The following PRDM16 variants were observed in gnomAD, a reference collection of about 807,000 sequenced individuals.
The protein encoded by PRDM16 is PR/SET domain 16, also known as histone-lysine N-methyltransferase PRDM16.
A neutral mutation model predicts 110.6 loss-of-function variants in PRDM16; 23 were observed. That is an observed-to-expected ratio of 0.21 (90% CI 0.15 to 0.29). The LOEUF (loss-of-function observed/expected upper bound fraction) is 0.29. PRDM16 is among the 10% of genes least tolerant of loss of function. The pLI, the probability that PRDM16 is intolerant of heterozygous loss-of-function variation, is 1.00. For missense variants in PRDM16, 1,615 were observed against 1,794.3 expected (o/e 0.90, Z 1.81); for synonymous variants, 799 against 781.8 (o/e 1.02, Z -0.37).
At chr1:3,302,597 G>A (rs1641230051) in intron 3 of PRDM16, among the ~76,000 whole-genome samples, 1 of 152,170 alleles carries the variant, frequency 6.6e-6, no homozygotes, top group Admixed American at 6.5e-5. Flanking sequence ...CATCCTCACT[G>A]TAACTCAGCC....
At chr1:3,336,367 T>G (rs1570096583) in intron 3 of PRDM16, among the ~76,000 whole-genome samples, 1 of 151,456 alleles carries the variant, frequency 6.6e-6, no homozygotes, top group Admixed American at 6.6e-5. Context: ...TGTGGAGGGG[T>G]GTGTGTGCAT....
intron 3 of PRDM16, among the ~76,000 whole-genome samples, chr1:3,329,501 C>A (rs995607594): frequency 6.6e-6 from 1 of 152,184 alleles, no homozygotes; most frequent in Admixed American, 6.5e-5. Flanking sequence ...GGGTTTGCAG[C>A]AACACTTAGT....
intron 3 of PRDM16, among the ~76,000 whole-genome samples, chr1:3,321,594 T>TG (rs962448785): frequency 5.4e-5 from 8 of 149,008 alleles, no homozygotes; most frequent in African/African-American, 1.7e-4. Flanking sequence ...GTCACGTTTC[T>TG]GGGGGGTTGC....
chr1:3,181,712 ACACGCAGTCTTACACACG>A lies in PRDM16; in HGVS notation c.38-4412_38-4395del, dbSNP rs1301556383. 5.7e-4 allele frequency among the ~76,000 whole-genome samples: 74 copies of A among 128,828 alleles called. 2 individuals carry two copies. The highest frequency in any genetic ancestry group is 1.5e-3 in the East Asian group (5 of 3,284). 84.5% of individuals were successfully genotyped at this position (128,828 alleles called of 152,430 possible). A position where few individuals can be genotyped will look rare whatever the true frequency, so the allele number is the denominator to read the frequency against. On this transcript the variant is annotated intron_variant, in intron 1 of 16. Transcript: ENST00000270722. ...CACACGGTCTTACACACGGTCTTAC[ACACGCAGTCTTACACACG>A]GTCTTACACACGGAGTCTTACACAC... is the stretch of plus-strand genomic sequence containing the variant.
chr1:3,289,691 G>A (rs1000178714), intron 3 of PRDM16, among the ~76,000 whole-genome samples: 2 of 152,212 alleles, frequency 1.3e-5, no homozygotes, highest in African/African-American at 2.4e-5. Flanking sequence ...GGAGGGAACG[G>A]CACAGGCAAA....
intron 3 of PRDM16, among the ~76,000 whole-genome samples, chr1:3,357,552 C>CCAGCTCCTCACAGAAGGCCGCCCG (rs1557630813): frequency 6.6e-6 from 1 of 151,694 alleles, no homozygotes; most frequent in Non-Finnish European, 1.5e-5. Flanking sequence ...ATCCAGGAAG[C>CCAGCTCCTCACAGAAGGCCGCCCG]GCCGTTCCCC....
rs1276344227 is a variant in PRDM16, at chr1:3,253,342, T to A, written c.438+9205T>A. ...ATTTAGCATTAGGTATATCTCCTAA[T>A]GCTATCCCTCCCCCCCTCCCCCCAC... On this transcript the variant is annotated intron_variant, in intron 3 of 16. Transcript: ENST00000270722. 3.8e-5 allele frequency among the ~76,000 whole-genome samples: 5 copies of A among 132,286 alleles called. No homozygotes were observed. In the East Asian group the frequency reaches 8.1e-4, roughly 22 times the overall value. The allele number at this position is 132,286 out of a possible 152,430, so 86.8% of individuals were successfully genotyped here.
chr1:3,196,379 C>G (rs1178515263), intron 2 of PRDM16, among the ~76,000 whole-genome samples: 1 of 152,270 alleles, frequency 6.6e-6, no homozygotes, highest in Non-Finnish European at 1.5e-5. Context: ...TGGGGGAATT[C>G]TGTGTCGTAA....
rs113007393 is a variant in PRDM16, at chr1:3,136,577, A to G, written c.38-49548A>G. On this transcript the variant is annotated intron_variant, in intron 1 of 16. Transcript: ENST00000270722. ...CCACAGGGGCTCTGGGCCAGCTCCAAGGACTCTAAGGGAGTGGAGCCGCCC... is the reference window on the plus strand; with the variant it reads ...CCACAGGGGCTCTGGGCCAGCTCCAGGGACTCTAAGGGAGTGGAGCCGCCC... Among the ~76,000 whole-genome samples, 140 of 152,282 alleles carry G rather than the reference A, an allele frequency of 9.2e-4. 1 individual carries two copies. The highest frequency in any genetic ancestry group is 3.1e-3 in the African/African-American group (130 of 41,562).
rs1553172445 is a variant in PRDM16, at chr1:3,390,835, T to TG, written c.573+5549_573+5550insG. Among the ~76,000 whole-genome samples the TG allele has an allele frequency of 5.0e-4, 16 of 32,048 alleles. No individual in the cohort carries two copies. Among genetic ancestry groups the TG allele is most frequent in the African/African-American group, 2.7e-4 (3 of 10,912 alleles). The allele number at this position is 32,048 out of a possible 152,430, so 21.0% of individuals were successfully genotyped here. A position where few individuals can be genotyped will look rare whatever the true frequency, so the allele number is the denominator to read the frequency against. On this transcript the variant is annotated intron_variant, in intron 4 of 16. Coordinates refer to ENST00000270722, the MANE Select transcript of PRDM16 (RefSeq NM_022114.4). This position sits in a 1 kb window ranked among gnomAD's most constrained non-coding sequence, Gnocchi z 5.0. The stretch of plus-strand genomic sequence containing the variant: ...CTTTGCTTTTATCTCTCACAGTGTG[T>TG]TTTTTTTTTTTTTTTTTTAGACAGA...
chr1:3,226,438 C>A (rs562098797), intron 2 of PRDM16, among the ~76,000 whole-genome samples: 2 of 152,178 alleles, frequency 1.3e-5, no homozygotes, highest in Admixed American at 6.5e-5. Flanking sequence ...CTGGCCCCAT[C>A]TTGGCCGTCT....
At chr1:3,223,984 TTA>T (rs1553149200) in intron 2 of PRDM16, among the ~76,000 whole-genome samples, 92 of 152,320 alleles carry the variant, frequency 6.0e-4, no homozygotes, top group Non-Finnish European at 4.4e-5. Context: ...TTTGGAAATT[TTA>T]TATATAATAG....
At chr1:3,263,752 G>A (rs1041370677) in intron 3 of PRDM16, among the ~76,000 whole-genome samples, 10 of 152,232 alleles carry the variant, frequency 6.6e-5, no homozygotes, top group Admixed American at 3.3e-4. Flanking sequence ...GGATACCAAA[G>A]GAGGTGTCTC....
intron 1 of PRDM16, among the ~76,000 whole-genome samples, chr1:3,139,763 G>A (rs1643510446): frequency 6.6e-6 from 1 of 152,264 alleles, no homozygotes. Flanking sequence ...CCTGTTAGCA[G>A]GAAAGGGAGC....
rs958766417 is a variant in PRDM16, at chr1:3,148,403, G to A, written c.38-37722G>A. The stretch of plus-strand genomic sequence containing the variant: ...AGGAGGGCCAGTGGCCAGAGGTGAG[G>A]AAGGAGCTGTCCGGCAGGGCTGGGC... On this transcript the variant is annotated intron_variant, in intron 1 of 16. Transcript: ENST00000270722. This position sits in a 1 kb window ranked among gnomAD's most constrained non-coding sequence, Gnocchi z 5.0. 2.6e-5 allele frequency among the ~76,000 whole-genome samples: 4 copies of A among 152,140 alleles called. No homozygotes were observed. Among genetic ancestry groups the A allele is most frequent in the African/African-American group, 9.7e-5 (4 of 41,420 alleles).
At chr1:3,078,861 G>A (rs946952241) in intron 1 of PRDM16, among the ~76,000 whole-genome samples, 1 of 152,230 alleles carries the variant, frequency 6.6e-6, no homozygotes. Flanking sequence ...CATGGCTCCC[G>A]TAGCTGGGTC....
rs1252850929 is a variant in PRDM16 at position 3,181,462 on chromosome 1, G to GCA, written c.38-4663_38-4662insCA. 5.6e-4 allele frequency among the ~76,000 whole-genome samples: 10 copies of GCA among 17,948 alleles called. 4 individuals are homozygous for GCA. Among genetic ancestry groups the GCA allele is most frequent in the Non-Finnish European group, 2.0e-3 (10 of 5,088 alleles). 11.8% of individuals were successfully genotyped at this position (17,948 alleles called of 152,430 possible). ...AGCAGTCTTACACGGTCTTACACAC[G>GCA]GTCTTACACACGCAGTCTTACACAC... On this transcript the variant is annotated intron_variant, in intron 1 of 16. Transcript: ENST00000270722.
chr1:3,270,882 G>A (rs934867904), intron 3 of PRDM16, among the ~76,000 whole-genome samples: 9 of 151,954 alleles, frequency 5.9e-5, no homozygotes, highest in Non-Finnish European at 1.2e-4. Flanking sequence ...AGTCCAGGAG[G>A]AGGACCGTTG....
chr1:3,335,461 G>A (rs1642124453), intron 3 of PRDM16, among the ~76,000 whole-genome samples: 1 of 152,188 alleles, frequency 6.6e-6, no homozygotes. Flanking sequence ...CACGTCGCAT[G>A]TCCGAAAGCG....
Sources: allele counts gnomAD v4.1 joint callset (sites outside exome capture counted in the v4.1 genomes callset), GRCh38; gene constraint gnomAD v4.1.1; non-coding constraint Gnocchi (gnomAD v3.1); transcripts MANE v1.5; gene names NCBI Gene and HGNC (gene_info 2026-07-23, HGNC 2026-07-21).